The following SYNJ1 variants were observed in gnomAD, a reference collection of about 807,000 sequenced individuals.
SYNJ1 encodes synaptojanin 1, also known as polyphosphatidylinositol phosphatase SYNJ1.
In SYNJ1, 78 loss-of-function variants were observed where a neutral mutation model predicts 168.2. The ratio of observed to expected loss-of-function variants is 0.46; its 90% CI spans 0.39 to 0.56. The LOEUF is 0.56. Among genes scored for constraint, SYNJ1 ranks in the 20% least tolerant of loss-of-function variants. SYNJ1 has a pLI of 0.00. For missense variants in SYNJ1, 1,303 were observed against 1,597.6 expected (o/e 0.82, Z 3.14); for synonymous variants, 539 against 548.6 (o/e 0.98, Z 0.24).
intron 23 of SYNJ1, among the ~76,000 whole-genome samples, chr21:32,647,288 C>T (rs1045379933): frequency 3.3e-5 from 5 of 152,228 alleles, no homozygotes; most frequent in Non-Finnish European, 5.9e-5. Flanking sequence ...TCATCTCCAA[C>T]GTCCATTCTT....
intron 31 of SYNJ1, among the ~76,000 whole-genome samples, chr21:32,637,687 A>AT (rs1365127332): frequency 6.6e-6 from 1 of 152,202 alleles, no homozygotes; most frequent in Non-Finnish European, 1.5e-5. Context: ...AAGTGCTGGG[A>AT]TTACAGGCAT....
In SYNJ1 at chr21:32,681,534, T is replaced by A; in HGVS notation, c.1315A>T (p.Ile439Leu). 6.2e-7 allele frequency: 1 copy of A among 1,613,456 alleles called. No individual in the cohort carries two copies. The highest frequency in any genetic ancestry group is 8.5e-7 in the Non-Finnish European group (1 of 1,179,554). Residue 439 changes from isoleucine (I) to leucine (L), a missense_variant, in exon 11 of 33, where the codon ATA becomes TTA. Transcript: ENST00000674351. Reference protein sequence around the residue: ...WSVNGDSISKIYAGTGALEGK... With the variant: ...WSVNGDSISKLYAGTGALEGK... ...TCAAGAGCTCCAGTTCCTGCATATATCTTACTGATTGAATCACCATTCACG... is the reference window on the plus strand; with the variant it reads ...TCAAGAGCTCCAGTTCCTGCATATAACTTACTGATTGAATCACCATTCACG...
chr21:32,630,882 G>T lies in SYNJ1; in HGVS notation c.*923C>A. The T allele has an allele frequency of 9.8e-7, 1 of 1,023,406 alleles. No homozygotes were observed. Among genetic ancestry groups the T allele is most frequent in the Non-Finnish European group, 1.4e-6 (1 of 710,360 alleles). The allele number at this position is 1,023,406 out of a possible 1,614,324, so 63.4% of individuals were successfully genotyped here. A position where few individuals can be genotyped will look rare whatever the true frequency, so the allele number is the denominator to read the frequency against. The stretch of plus-strand genomic sequence containing the variant: ...TACACATCAAATAGTGGTGTTTTGT[G>T]AAGATATCAGTGCACTTACAATGAC... On this transcript the variant is annotated 3_prime_UTR_variant, in exon 33 of 33. Transcript: ENST00000674351.
chr21:32,662,867 C>A (rs781715449), intron 18 of SYNJ1, among the ~76,000 whole-genome samples: 6 of 152,084 alleles, frequency 3.9e-5, no homozygotes, highest in Non-Finnish European at 8.8e-5. Context: ...CTAGTAATAA[C>A]CAATCCCCTT....
chr21:32,718,393 T>C (rs2043099812), intron 2 of SYNJ1, among the ~76,000 whole-genome samples: 1 of 152,146 alleles, frequency 6.6e-6, no homozygotes, highest in Admixed American at 6.5e-5. Context: ...TTACTTTCTA[T>C]TAAATACGTA....
At chr21:32,701,366 CA>C (rs1226469269) in intron 3 of SYNJ1, among the ~76,000 whole-genome samples, 4 of 151,964 alleles carry the variant, frequency 2.6e-5, no homozygotes, top group South Asian at 2.1e-4. Context: ...AAGACTTTAT[CA>C]ATGAAGGAAG....
intron 15 of SYNJ1, among the ~76,000 whole-genome samples, chr21:32,667,110 A>AC (rs1356462769): frequency 2.0e-5 from 3 of 149,768 alleles, no homozygotes; most frequent in Non-Finnish European, 4.5e-5. Context: ...AGTAAAAAAG[A>AC]CAAAAAAAAA....
chr21:32,655,476 T>C (rs984954365), intron 21 of SYNJ1, among the ~76,000 whole-genome samples: 5 of 152,202 alleles, frequency 3.3e-5, no homozygotes, highest in Non-Finnish European at 5.9e-5. Flanking sequence ...TCTTCTCCAT[T>C]TGTTCATTTA....
At chr21:32,634,784 G>A in intron 32 of SYNJ1, 77 bp downstream of exon 32, 5 of 1,471,538 alleles carry the variant, frequency 3.4e-6, no homozygotes, top group Non-Finnish European at 4.7e-6. Context: ...AACTTTAGAT[G>A]TATGAAGCAG....
At chr21:32,728,105 G>A, upstream of SYNJ1, 1 of 1,490,050 alleles carries the variant, frequency 6.7e-7, no homozygotes, top group Non-Finnish European at 8.9e-7. Flanking sequence ...TCAGGAGGGA[G>A]ACCACGCCCA....
chr21:32,726,813 T>G lies in SYNJ1; in HGVS notation c.83A>C (p.Glu28Ala), dbSNP rs199750187. The G allele has an allele frequency of 4.5e-5, 72 of 1,614,056 alleles. No homozygotes were observed. The Admixed American group carries it at 7.2e-4, about 16-fold the overall frequency. Residue 28 changes from glutamate (E) to alanine (A), a missense_variant, in exon 2 of 33, where the codon GAA (glutamate) becomes GCA (alanine). Physicochemically the swap from Glu to Ala is moderately radical, Grantham distance 107 (BLOSUM62 -1). Transcript: ENST00000674351. ...FSLIVETRHKEECLMFESGAV... is the reference protein window; with the variant it reads ...FSLIVETRHKAECLMFESGAV... ...CCCAGACTCGAACATGAGACATTCT[T>G]CCTTATGCCTAGTTTCCACTATGAG...
At chr21:32,674,061 T>C (rs568645703) in intron 13 of SYNJ1, among the ~76,000 whole-genome samples, 6 of 152,300 alleles carry the variant, frequency 3.9e-5, no homozygotes, top group Non-Finnish European at 5.9e-5. Context: ...TTTCTGAAAA[T>C]GAAATCACTA....
intron 16 of SYNJ1, 28 bp from the exon 17 acceptor site, chr21:32,666,163 G>C (rs767780756): frequency 6.4e-7 from 1 of 1,570,466 alleles, no homozygotes; most frequent in East Asian, 2.3e-5. Context: ...CTAAATCGCA[G>C]ATTTGAAATT....
intron 15 of SYNJ1, 22 bp from the exon 16 acceptor site, chr21:32,666,595 A>T (rs758798722): frequency 4.4e-6 from 7 of 1,598,014 alleles, no homozygotes; most frequent in African/African-American, 1.4e-5. Context: ...TATTAAAAAG[A>T]GAATTTTTTA....
chr21:32,714,284 G>A (rs944534240), intron 2 of SYNJ1, among the ~76,000 whole-genome samples: 7 of 152,092 alleles, frequency 4.6e-5, no homozygotes, highest in African/African-American at 1.7e-4. Context: ...TTTTATTGTA[G>A]GTCATCTTAG....
rs754849679 is a variant in SYNJ1, at chr21:32,694,329, A to C, written c.706-18T>G. 1.3e-6 allele frequency: 2 copies of C among 1,529,378 alleles called. No homozygotes were observed. Among genetic ancestry groups the C allele is most frequent in the Non-Finnish European group, 1.7e-6 (2 of 1,144,656 alleles). 94.7% of individuals were successfully genotyped at this position (1,529,378 alleles called of 1,614,324 possible). On this transcript the variant is annotated intron_variant, in intron 5 of 32. Coordinates refer to ENST00000674351, the MANE Select transcript of SYNJ1 (RefSeq NM_203446.3). ...TACACAACCTACAGAAAAAAAAATA[A>C]TATGTAAACTATTTCCACAGAAAAG...
intron 12 of SYNJ1, 22 bp from the exon 13 acceptor site, chr21:32,676,377 A>C (rs773943187): frequency 6.2e-7 from 1 of 1,605,434 alleles, no homozygotes; most frequent in South Asian, 1.1e-5. Context: ...ACAAGAAGAA[A>C]ACAAAGAATC....
chr21:32,675,183 T>C (rs1040951738), intron 13 of SYNJ1, among the ~76,000 whole-genome samples: 1 of 152,336 alleles, frequency 6.6e-6, no homozygotes, highest in African/African-American at 2.4e-5. Flanking sequence ...CTATAATCCA[T>C]TCTATATCAA....
intron 2 of SYNJ1, among the ~76,000 whole-genome samples, chr21:32,719,956 G>A (rs1245665499): frequency 6.6e-6 from 1 of 151,566 alleles, no homozygotes; most frequent in East Asian, 1.9e-4. Context: ...AAAACTTAAC[G>A]AGGCCAGGCA....
Sources: gnomAD v4.1 joint callset for allele counts (sites outside exome capture counted in the v4.1 genomes callset) on GRCh38, gnomAD v4.1.1 for gene constraint, MANE v1.5 for transcripts, NCBI Gene and HGNC (gene_info 2026-07-23, HGNC 2026-07-21) for gene names.